The following HIP1 variants were observed in gnomAD, a reference collection of about 807,000 sequenced individuals.
HIP1 encodes the protein huntingtin-interacting protein 1.
HIP1 carries 65 observed loss-of-function variants against 147.6 expected under a neutral mutation model. The observed-to-expected ratio is 0.44, with a 90% confidence interval of 0.36 to 0.54. HIP1 has a LOEUF of 0.54. Ranked by LOEUF, HIP1 falls within the 20% of genes least tolerant of loss-of-function variation. The pLI, the probability that HIP1 is intolerant of heterozygous loss-of-function variation, is 0.00. For missense variants in HIP1, 1,061 were observed against 1,299.6 expected (o/e 0.82, Z 2.82); for synonymous variants, 479 against 504.0 (o/e 0.95, Z 0.67).
At chr7:75,614,834 C>A (rs1210395268) in intron 1 of HIP1, among the ~76,000 whole-genome samples, 3 of 151,930 alleles carry the variant, frequency 2.0e-5, no homozygotes, top group Non-Finnish European at 4.4e-5. Context: ...AGTGCAGTGG[C>A]GCGATCTCGG....
intron 1 of HIP1, among the ~76,000 whole-genome samples, chr7:75,664,380 GTGTATGTATACGTATACATA>G (rs1799477815): frequency 7.3e-6 from 1 of 136,160 alleles, no homozygotes; most frequent in Non-Finnish European, 1.6e-5. Flanking sequence ...ACATACATAT[GTGTATGTATACGTATACATA>G]CATATATACA....
chr7:75,592,554 A>C (rs1368497502), intron 2 of HIP1, 40 bp from the exon 3 acceptor site: 1 of 1,599,330 alleles, frequency 6.3e-7, no homozygotes, highest in African/African-American at 1.4e-5. Context: ...GGGCTCTGCC[A>C]GTCACTGCAG....
intron 23 of HIP1, 60 bp downstream of exon 23, chr7:75,548,831 G>T: frequency 1.7e-6 from 2 of 1,196,834 alleles, no homozygotes; most frequent in Non-Finnish European, 2.5e-6. Flanking sequence ...TTAATGAGCA[G>T]TGTTGCAGAA....
chr7:75,570,646 A>G (rs1795594705), intron 8 of HIP1, among the ~76,000 whole-genome samples: 1 of 152,188 alleles, frequency 6.6e-6, no homozygotes, highest in Admixed American at 6.6e-5. Flanking sequence ...GGAACTGGGT[A>G]TACGAGAACT....
At chr7:75,728,453 GATGCA>G (rs1554522586) in intron 1 of HIP1, among the ~76,000 whole-genome samples, 1 of 152,202 alleles carries the variant, frequency 6.6e-6, no homozygotes, top group African/African-American at 2.4e-5. Context: ...AACCCTCCTT[GATGCA>G]GGAGGAGAGC....
intron 1 of HIP1, among the ~76,000 whole-genome samples, chr7:75,647,797 C>T (rs918220873): frequency 9.2e-5 from 14 of 152,254 alleles, no homozygotes; most frequent in South Asian, 6.2e-4. Flanking sequence ...CACATGTGGA[C>T]GGAGCTGTGA....
intron 1 of HIP1, among the ~76,000 whole-genome samples, chr7:75,623,080 C>T (rs1797908404): frequency 6.6e-6 from 1 of 151,430 alleles, no homozygotes; most frequent in Non-Finnish European, 1.5e-5. Flanking sequence ...TGCCTGTAAT[C>T]CCAGCTACTC....
At chr7:75,718,785 C>T (rs555498651) in intron 1 of HIP1, among the ~76,000 whole-genome samples, 17 of 152,278 alleles carry the variant, frequency 1.1e-4, no homozygotes, top group African/African-American at 3.9e-4. Flanking sequence ...TCCCAAGGCC[C>T]TCAACAAAGG....
At chr7:75,575,122 C>G (rs1315582407) in intron 7 of HIP1, among the ~76,000 whole-genome samples, 4 of 151,782 alleles carry the variant, frequency 2.6e-5, no homozygotes, top group African/African-American at 9.7e-5. Context: ...CCCACCACTG[C>G]ACTCCAGCCT....
chr7:75,645,798 A>T (rs1194051561), intron 1 of HIP1, among the ~76,000 whole-genome samples: 7 of 152,252 alleles, frequency 4.6e-5, no homozygotes, highest in African/African-American at 1.7e-4. Context: ...AGCAACATGG[A>T]TGCAGCTGAA....
At chr7:75,640,460 G>A (rs2117159729) in intron 1 of HIP1, among the ~76,000 whole-genome samples, 1 of 152,298 alleles carries the variant, frequency 6.6e-6, no homozygotes, top group African/African-American at 2.4e-5. Flanking sequence ...GGCTCCCGGC[G>A]GGCTCACGCC....
chr7:75,557,812 CT>C, intron 15 of HIP1, 42 bp from the exon 16 acceptor site: 1 of 1,421,602 alleles, frequency 7.0e-7, no homozygotes, highest in Non-Finnish European at 9.9e-7. Flanking sequence ...AGATCCCAGG[CT>C]TAGAGGACAT....
At chr7:75,646,875 T>C (rs1798817678) in intron 1 of HIP1, among the ~76,000 whole-genome samples, 1 of 152,040 alleles carries the variant, frequency 6.6e-6, no homozygotes, top group Admixed American at 6.6e-5. Context: ...AAAGGTCAAG[T>C]GCTCTGCAAT....
intron 8 of HIP1, among the ~76,000 whole-genome samples, chr7:75,570,810 A>G (rs1291715503): frequency 1.3e-5 from 2 of 151,800 alleles, no homozygotes; most frequent in South Asian, 2.1e-4. Context: ...AGTTCGAGAC[A>G]AGCCTGGCCA....
Position 75,610,455 on chromosome 7 carries a change from C to G in HIP1, c.121-11208G>C, listed in dbSNP as rs149844666. On this transcript the variant is annotated intron_variant, in intron 1 of 30. Coordinates refer to ENST00000336926, the MANE Select transcript of HIP1 (RefSeq NM_005338.7). ...TTGAACTCAGGCTCAAGTGACCCTC[C>G]CCCAACAGCCTCCCAAAGTACTGAG... Among the ~76,000 whole-genome samples the G allele has an allele frequency of 8.5e-5, 13 of 152,096 alleles. No homozygotes were observed. The East Asian group carries it at 2.5e-3, about 29-fold the overall frequency.
chr7:75,685,484 G>T (rs1800228872), intron 1 of HIP1, among the ~76,000 whole-genome samples: 1 of 152,182 alleles, frequency 6.6e-6, no homozygotes, highest in Admixed American at 6.5e-5. Context: ...CTTTTCCACT[G>T]GGTTGCGGTT....
chr7:75,629,166 T>A (rs587720520), intron 1 of HIP1, among the ~76,000 whole-genome samples: 89 of 152,274 alleles, frequency 5.8e-4, no homozygotes, highest in African/African-American at 2.0e-3. Context: ...CAACCCACGG[T>A]TTGCAACTCC....
At chr7:75,717,743 G>A (rs1236722616) in intron 1 of HIP1, among the ~76,000 whole-genome samples, 2 of 151,734 alleles carry the variant, frequency 1.3e-5, no homozygotes, top group Admixed American at 1.3e-4. Flanking sequence ...GGCCGAGGTG[G>A]GCAGATCACT....
intron 4 of HIP1, among the ~76,000 whole-genome samples, chr7:75,590,683 T>TA (rs1354641653): frequency 1.3e-5 from 2 of 152,130 alleles, no homozygotes; most frequent in East Asian, 3.8e-4. Context: ...TTCTAAAACA[T>TA]AAAAATATAG....
Sources: allele counts gnomAD v4.1 joint callset (sites outside exome capture counted in the v4.1 genomes callset), GRCh38; gene constraint gnomAD v4.1.1; transcripts MANE v1.5; gene names NCBI Gene and HGNC (gene_info 2026-07-23, HGNC 2026-07-21).